POC1B: variants seen among roughly 807,000 people sequenced by gnomAD.
The protein encoded by POC1B is POC1 centriolar protein B.
In POC1B, 44 loss-of-function variants were observed where a neutral mutation model predicts 60.6. That is an observed-to-expected ratio of 0.73 (90% CI 0.57 to 0.93). The LOEUF (loss-of-function observed/expected upper bound fraction) is 0.93, where lower values mean the gene tolerates loss of function less well. POC1B is among the 40% of genes least tolerant of loss of function. The pLI is 0.00. For missense variants in POC1B, 555 were observed against 572.3 expected (o/e 0.97, Z 0.31); for synonymous variants, 180 against 198.9 (o/e 0.90, Z 0.80).
intron 3 of POC1B, among the ~76,000 whole-genome samples, chr12:89,495,401 T>C (rs1300078257): frequency 6.6e-6 from 1 of 152,244 alleles, no homozygotes; most frequent in Non-Finnish European, 1.5e-5. Context: ...AACATGTCAC[T>C]TCTCTTCAAT....
intron 10 of POC1B, chr12:89,429,008 C>T (rs1880903282): frequency 6.6e-6 from 1 of 152,100 alleles, no homozygotes; most frequent in Admixed American, 6.6e-5. Flanking sequence ...AGCTTCAGAC[C>T]TTCTTGGAAA....
At chr12:89,447,489 A>G (rs1881837964) in intron 10 of POC1B, among the ~76,000 whole-genome samples, 1 of 152,190 alleles carries the variant, frequency 6.6e-6, no homozygotes, top group Non-Finnish European at 1.5e-5. Context: ...CTGAGAGAGC[A>G]TATTTCTTAG....
chr12:89,515,480 G>T (rs1205685758), intron 2 of POC1B, among the ~76,000 whole-genome samples: 1 of 152,046 alleles, frequency 6.6e-6, no homozygotes, highest in African/African-American at 2.4e-5. Flanking sequence ...GATAAAGCAG[G>T]AAGTTTTATT....
At chr12:89,410,118 T>A in the POC1B span, among the ~76,000 whole-genome samples, 1 of 152,200 alleles carries the variant, frequency 6.6e-6, no homozygotes, top group East Asian at 1.9e-4. Context: ...CGATCAGGTC[T>A]GCTTCATCCC....
chr12:89,411,731 C>T, the POC1B span, among the ~76,000 whole-genome samples: 1 of 152,210 alleles, frequency 6.6e-6, no homozygotes, highest in Non-Finnish European at 1.5e-5. Flanking sequence ...TGATCAACAT[C>T]ACCAGTTGTG....
rs138497197 is a variant in POC1B, at chr12:89,476,954, A to G, written c.453-4679T>C. 8.5e-5 allele frequency among the ~76,000 whole-genome samples: 13 copies of G among 152,316 alleles called. No individual in the cohort carries two copies. In the East Asian group the frequency reaches 2.5e-3, roughly 29 times the overall value. On this transcript the variant is annotated intron_variant, in intron 4 of 11. Coordinates refer to ENST00000313546, the MANE Select transcript of POC1B (RefSeq NM_172240.3). ...GGAACTCTGAAGCCAACAGCTCTTC[A>G]GTAGTAGGAGGAAGCAGTAAAAAGT... is the stretch of plus-strand genomic sequence containing the variant.
Position 89,471,598 on chromosome 12 carries a change from T to C in POC1B, c.676+16A>G, listed in dbSNP as rs759212764. On this transcript the variant is annotated intron_variant, in intron 6 of 11. Transcript: ENST00000313546. ...GTCCATTCGGTAACTGAATTTTTTG[T>C]TAGGAAAATTGTTACCTTGGTAATG... 1.9e-6 allele frequency: 3 copies of C among 1,574,078 alleles called. No individual in the cohort carries two copies. The highest frequency in any genetic ancestry group is 8.7e-7 in the Non-Finnish European group (1 of 1,146,528).
At chr12:89,505,269 T>C (rs1181089043) in intron 2 of POC1B, among the ~76,000 whole-genome samples, 3 of 152,234 alleles carry the variant, frequency 2.0e-5, no homozygotes, top group African/African-American at 7.2e-5. Flanking sequence ...TATTTTGAAA[T>C]ATCTATTGAA....
intron 11 of POC1B, among the ~76,000 whole-genome samples, chr12:89,422,049 T>A (rs575708036): frequency 2.0e-4 from 31 of 152,180 alleles, no homozygotes; most frequent in African/African-American, 6.7e-4. Flanking sequence ...TCTTTTTTTT[T>A]TAAAAAAACT....
At chr12:89,451,539 T>C (rs1259123602) in intron 10 of POC1B, among the ~76,000 whole-genome samples, 5 of 152,196 alleles carry the variant, frequency 3.3e-5, no homozygotes, top group African/African-American at 1.2e-4. Context: ...TATATGATTG[T>C]GTGGCCTGAC....
At chr12:89,482,074 G>T (rs1450222498) in intron 4 of POC1B, among the ~76,000 whole-genome samples, 1 of 152,136 alleles carries the variant, frequency 6.6e-6, no homozygotes, top group Admixed American at 6.5e-5. Context: ...GACATATGAA[G>T]CAGCAGAAAA....
At chr12:89,471,533 C>T (rs1882893529) in intron 6 of POC1B, 81 bp downstream of exon 6, 1 of 1,176,622 alleles carries the variant, frequency 8.5e-7, no homozygotes, top group Non-Finnish European at 1.3e-6. Flanking sequence ...GTAAGACAGC[C>T]AAACCACACC....
At chr12:89,436,834 A>C (rs10745500) in intron 10 of POC1B, among the ~76,000 whole-genome samples, 114,332 of 152,062 alleles carry the variant, frequency 0.75, 43,083 homozygotes, top group Middle Eastern at 0.81. Context: ...ATCATTATCG[A>C]ATACTATGGA....
In POC1B at chr12:89,525,977, C is replaced by G. The variant is rs752905867; in HGVS notation, c.-82G>C. 3.0e-5 allele frequency: 47 copies of G among 1,544,606 alleles called. No individual in the cohort carries two copies. The South Asian group carries it at 3.9e-4, about 13-fold the overall frequency. On this transcript the variant is annotated 5_prime_UTR_variant, in exon 1 of 12. Transcript: ENST00000313546. ...GAGAGGATGGGGAAGGAGAGGGGAC[C>G]GTGCGGCTCCCGGAACCGTCTGCCC...
intron 4 of POC1B, among the ~76,000 whole-genome samples, chr12:89,487,516 C>G (rs540325694): frequency 2.0e-4 from 31 of 152,318 alleles, no homozygotes; most frequent in South Asian, 8.3e-4. Flanking sequence ...ACTTCTTATC[C>G]TCAGTCCAGT....
intron 10 of POC1B, among the ~76,000 whole-genome samples, chr12:89,434,827 T>C (rs532816322): frequency 2.0e-5 from 3 of 152,232 alleles, no homozygotes; most frequent in East Asian, 1.9e-4. Flanking sequence ...CAAAGATCTA[T>C]AGTTATCTTT....
intron 9 of POC1B, among the ~76,000 whole-genome samples, chr12:89,462,007 T>C (rs1248682590): frequency 1.3e-5 from 2 of 152,156 alleles, no homozygotes. Context: ...TACAATCTAG[T>C]TGCACCATCT....
intron 2 of POC1B, among the ~76,000 whole-genome samples, chr12:89,515,440 T>C (rs61491188): frequency 0.02 from 3,097 of 152,184 alleles, 81 homozygotes; most frequent in African/African-American, 0.066. Context: ...TGGCTTTATA[T>C]CATTTTAAAT....
chr12:89,418,761 C>T (rs921495494), downstream of POC1B, among the ~76,000 whole-genome samples: 1 of 152,182 alleles, frequency 6.6e-6, no homozygotes, highest in African/African-American at 2.4e-5. Context: ...CTTCACTTTC[C>T]ACCATGAGTG....
Sources: allele counts gnomAD v4.1 joint callset (sites outside exome capture counted in the v4.1 genomes callset), GRCh38; gene constraint gnomAD v4.1.1; transcripts MANE v1.5; gene names NCBI Gene and HGNC (gene_info 2026-07-23, HGNC 2026-07-21).